The following TRMT44 variants were observed in gnomAD, a reference collection of about 807,000 sequenced individuals.
TRMT44 encodes tRNA methyltransferase 44 homolog, also known as probable tRNA (uracil-O(2)-)-methyltransferase.
In TRMT44, 78 loss-of-function variants were observed where a neutral mutation model predicts 77.3. That is an observed-to-expected ratio of 1.01 (90% confidence interval 0.84 to 1.22). TRMT44 has a LOEUF of 1.22. Among genes scored for constraint, TRMT44 ranks in the 50% most tolerant of loss-of-function variants. The pLI is 0.00. For synonymous variants in TRMT44, 391 were observed against 383.3 expected, an observed-to-expected ratio of 1.02 and a Z score of -0.23; for missense variants, 1,090 against 964.4, an observed-to-expected ratio of 1.13 and a Z score of -1.73.
chr4:8,479,891 T>A (rs73223256), downstream of TRMT44, among the ~76,000 whole-genome samples: 3,324 of 152,296 alleles, frequency 0.022, 60 homozygotes, highest in African/African-American at 0.051. Flanking sequence ...TTATTTTGTT[T>A]TTTTGAGACG....
At chr4:8,492,504 TGGGAGG>T (rs1334109816) in intron 2 of TRMT44, among the ~76,000 whole-genome samples, 1 of 152,208 alleles carries the variant, frequency 6.6e-6, no homozygotes, top group East Asian at 1.9e-4. Context: ...CAACCTACTT[TGGGAGG>T]AACTTAGTTT....
chr4:8,454,057 C>T (rs1239960330), intron 5 of TRMT44, among the ~76,000 whole-genome samples: 10 of 152,148 alleles, frequency 6.6e-5, no homozygotes, highest in African/African-American at 2.2e-4. Context: ...CTCGTGCACC[C>T]CTCCTCTTCT....
At chr4:8,508,974 C>G in the TRMT44 span, 4 of 152,316 alleles carry the variant, frequency 2.6e-5, no homozygotes, top group African/African-American at 9.6e-5. Context: ...GGAGGGCTGG[C>G]AGCTGGCAGG....
intron 2 of TRMT44, 64 bp from the exon 3 acceptor site, chr4:8,449,605 T>C: frequency 1.6e-6 from 2 of 1,271,490 alleles, no homozygotes; most frequent in Non-Finnish European, 2.1e-6. Context: ...GGTAAATAAA[T>C]AGATAATTTT....
At chr4:8,457,829 A>G (rs1344611639) in intron 6 of TRMT44, among the ~76,000 whole-genome samples, 1 of 152,206 alleles carries the variant, frequency 6.6e-6, no homozygotes, top group Admixed American at 6.5e-5. Flanking sequence ...TGGAAGTGTC[A>G]TGCCTGACTT....
the TRMT44 span, chr4:8,508,963 T>G: frequency 6.6e-6 from 1 of 152,300 alleles, no homozygotes; most frequent in African/African-American, 2.4e-5. Context: ...GCCGTTGCCC[T>G]GGAGGGCTGG....
At chr4:8,468,640 A>G (rs1726771163) in intron 9 of TRMT44, 1 of 555,644 alleles carries the variant, frequency 1.8e-6, no homozygotes, top group African/African-American at 1.9e-5. Flanking sequence ...TCAATCTAGA[A>G]ATTATCCAAA....
chr4:8,464,662 C>G (rs1726403993), intron 7 of TRMT44, among the ~76,000 whole-genome samples: 1 of 152,230 alleles, frequency 6.6e-6, no homozygotes, highest in East Asian at 1.9e-4. Context: ...TTCGCTCAGG[C>G]TTCGTTGTGC....
intron 2 of TRMT44, among the ~76,000 whole-genome samples, chr4:8,489,785 T>C (rs770162369): frequency 1.3e-5 from 2 of 152,190 alleles, no homozygotes; most frequent in Non-Finnish European, 2.9e-5. Flanking sequence ...GCCTAGGCTG[T>C]AGTTTAAATT....
rs375168963 is a variant in TRMT44 at position 8,465,527 on chromosome 4, A to G, written c.1460A>G (p.Asp487Gly). ...EVGFTCGFHV[D>G]EDCLRIPSTK... ...GGCTTCACCTGTGGGTTTCACGTGG[A>G]CGAAGACTGCCTCAGGATTCCTTCA... Residue 487 changes from aspartate (D) to glycine (G), a missense_variant, in exon 8 of 11, where the codon GAC (aspartate) becomes GGC (glycine). By Grantham distance (94) the Asp-to-Gly change is moderately conservative. Coordinates refer to ENST00000389737, the MANE Select transcript of TRMT44 (RefSeq NM_152544.3). 1 of 1,613,840 alleles carries G rather than the reference A, an allele frequency of 6.2e-7. No homozygotes were observed. The highest frequency in any genetic ancestry group is 8.5e-7 in the Non-Finnish European group (1 of 1,179,904).
intron 10 of TRMT44, 37 bp downstream of exon 10, chr4:8,471,237 CT>C (rs1283130156): frequency 6.8e-6 from 9 of 1,317,122 alleles, no homozygotes; most frequent in African/African-American, 3.0e-5. Flanking sequence ...TTCTTTCCTT[CT>C]TTTTCCCCCT....
chr4:8,468,248 A>AC lies in TRMT44; in HGVS notation c.1831dup (p.Gln611ProfsTer102). ...GCCGCCCTGCCACGAGATTTTATTG[A>AC]CCAAGTGGTTTTGCAAGTAGCGAAT... On this transcript the variant is annotated frameshift_variant, in exon 9 of 11. Transcript: ENST00000389737. LOFTEE classifies it high-confidence loss of function. 2 of 1,614,240 alleles carry AC rather than the reference A, an allele frequency of 1.2e-6. No individual in the cohort carries two copies. Among genetic ancestry groups the AC allele is most frequent in the Non-Finnish European group, 1.7e-6 (2 of 1,180,046 alleles).
chr4:8,499,415 T>A, the TRMT44 span, among the ~76,000 whole-genome samples: 1 of 152,152 alleles, frequency 6.6e-6, no homozygotes, highest in African/African-American at 2.4e-5. Context: ...CTCCTGCACC[T>A]GCCATACATT....
At position 8,444,901 on chromosome 4, in the gene TRMT44, A is replaced by T. The variant is rs1724967205; in HGVS notation, c.620-1575A>T. Reference sequence around the variant, plus strand: ...AATGAAAAATTTAAAAATTTTAAAAATCGAAATTTATCATTGTGTAGCGAC... The same window carrying T: ...AATGAAAAATTTAAAAATTTTAAAATTCGAAATTTATCATTGTGTAGCGAC... On this transcript the variant is annotated intron_variant, in intron 1 of 10. Coordinates refer to ENST00000389737, the MANE Select transcript of TRMT44 (RefSeq NM_152544.3). The surrounding 1 kb of genome is among the most constrained non-coding windows in gnomAD (Gnocchi z 4.0). Among the ~76,000 whole-genome samples the T allele has an allele frequency of 6.6e-6, 1 of 152,224 alleles. No individual in the cohort carries two copies. The highest frequency in any genetic ancestry group is 2.4e-5 in the African/African-American group (1 of 41,452).
chr4:8,490,951 C>T (rs897111131), intron 2 of TRMT44, among the ~76,000 whole-genome samples: 2 of 152,132 alleles, frequency 1.3e-5, no homozygotes, highest in Admixed American at 6.6e-5. Context: ...CAAAGGTTCT[C>T]CGAGGCCCCA....
At chr4:8,480,629 T>C (rs1280901785), downstream of TRMT44, among the ~76,000 whole-genome samples, 1 of 152,226 alleles carries the variant, frequency 6.6e-6, no homozygotes, top group African/African-American at 2.4e-5. Flanking sequence ...CCTTTATCTA[T>C]TGGGAAATTG....
intron 6 of TRMT44, among the ~76,000 whole-genome samples, chr4:8,458,239 T>C (rs1725932272): frequency 6.6e-6 from 1 of 152,200 alleles, no homozygotes; most frequent in African/African-American, 2.4e-5. Flanking sequence ...ACAGAAATTA[T>C]GATGTATTTC....
At position 8,451,925 on chromosome 4, in the gene TRMT44, C is replaced by T. The variant is rs757701585; in HGVS notation, c.955-35C>T. Reference sequence around the variant, plus strand: ...TATTGGGAAATGGTGGTGGGGAAACCGAACAATTTATGTTTGCTCTTGAAA... The same window carrying T: ...TATTGGGAAATGGTGGTGGGGAAACTGAACAATTTATGTTTGCTCTTGAAA... On this transcript the variant is annotated intron_variant, in intron 3 of 10. Coordinates refer to ENST00000389737, the MANE Select transcript of TRMT44 (RefSeq NM_152544.3). The surrounding 1 kb of genome is among the most constrained non-coding windows in gnomAD (Gnocchi z 4.1). 1.4e-4 allele frequency: 212 copies of T among 1,530,410 alleles called. 1 individual carries two copies. Among genetic ancestry groups the T allele is most frequent in the East Asian group, 4.9e-4 (20 of 40,832 alleles). 94.8% of individuals were successfully genotyped at this position (1,530,410 alleles called of 1,614,324 possible).
At chr4:8,480,302 G>T (rs1050837205), downstream of TRMT44, among the ~76,000 whole-genome samples, 3 of 152,224 alleles carry the variant, frequency 2.0e-5, no homozygotes, top group African/African-American at 7.2e-5. Context: ...CACTGTGGAG[G>T]TGGAGTGCAG....
Sources: allele counts gnomAD v4.1 joint callset (sites outside exome capture counted in the v4.1 genomes callset), GRCh38; gene constraint gnomAD v4.1.1; non-coding constraint Gnocchi (gnomAD v3.1); transcripts MANE v1.5; gene names NCBI Gene and HGNC (gene_info 2026-07-23, HGNC 2026-07-21).